NOX4: variants seen among roughly 807,000 people sequenced by gnomAD.
NOX4 encodes kidney oxidase-1.
A neutral mutation model predicts 87.6 loss-of-function variants in NOX4; 69 were observed. That is an observed-to-expected ratio of 0.79 (90% CI 0.65 to 0.96). The LOEUF (loss-of-function observed/expected upper bound fraction) is 0.96. Ranked by LOEUF, NOX4 falls within the 40% of genes least tolerant of loss-of-function variation. NOX4 has a pLI of 0.00. For synonymous variants in NOX4, 275 were observed against 238.2 expected, an observed-to-expected ratio of 1.15 and a Z score of -1.42; for missense variants, 680 against 681.5, an observed-to-expected ratio of 1.00 and a Z score of 0.02.
intron 12 of NOX4, among the ~76,000 whole-genome samples, chr11:89,372,768 C>T (rs1275577533): frequency 6.6e-6 from 1 of 151,894 alleles, no homozygotes; most frequent in African/African-American, 2.4e-5. Context: ...GCATTCTTTC[C>T]TGTAACAATA....
chr11:89,498,625 A>G (rs1053125476), upstream of NOX4: 7 of 152,176 alleles, frequency 4.6e-5, no homozygotes, highest in East Asian at 1.4e-3. Context: ...ATCCCATGGG[A>G]AAAAAATAAC....
chr11:89,388,756 G>C (rs1477386492), intron 11 of NOX4, among the ~76,000 whole-genome samples: 2 of 152,136 alleles, frequency 1.3e-5, no homozygotes, highest in African/African-American at 4.8e-5. Flanking sequence ...CCAAAGCTTA[G>C]TCAGTTACTA....
At chr11:89,425,962 T>C (rs1282057629) in intron 7 of NOX4, among the ~76,000 whole-genome samples, 2 of 152,150 alleles carry the variant, frequency 1.3e-5, no homozygotes, top group Non-Finnish European at 2.9e-5. Context: ...TTCCTTTTTT[T>C]GCTTTCTTTA....
chr11:89,484,908 C>T (rs1441951848), intron 2 of NOX4, among the ~76,000 whole-genome samples: 1 of 152,090 alleles, frequency 6.6e-6, no homozygotes, highest in African/African-American at 2.4e-5. Flanking sequence ...ATTTTACAGT[C>T]TGTATAATTA....
At chr11:89,366,208 C>T (rs1285023636) in intron 12 of NOX4, among the ~76,000 whole-genome samples, 1 of 151,982 alleles carries the variant, frequency 6.6e-6, no homozygotes. Context: ...TTATTTTCTT[C>T]CATGTTACAT....
At chr11:89,473,445 T>C (rs1591342073) in intron 2 of NOX4, among the ~76,000 whole-genome samples, 1 of 149,680 alleles carries the variant, frequency 6.7e-6, no homozygotes, top group African/African-American at 2.5e-5. Flanking sequence ...CAAAAAGATA[T>C]ACTGGTGGCC....
intron 11 of NOX4, among the ~76,000 whole-genome samples, chr11:89,393,190 TC>T (rs1264104710): frequency 6.6e-6 from 1 of 152,040 alleles, no homozygotes; most frequent in East Asian, 1.9e-4. Flanking sequence ...TTCTAGTGGG[TC>T]AGGGCTAAAG....
chr11:89,522,540 A>G, the NOX4 span, among the ~76,000 whole-genome samples: 2 of 152,284 alleles, frequency 1.3e-5, no homozygotes, highest in African/African-American at 4.8e-5. Context: ...ATTGAATACT[A>G]CACATAGTAA....
intron 4 of NOX4, among the ~76,000 whole-genome samples, chr11:89,448,103 C>A (rs1220499137): frequency 6.6e-6 from 1 of 152,124 alleles, no homozygotes; most frequent in Non-Finnish European, 1.5e-5. Flanking sequence ...GAATAATTAA[C>A]CCTTGCAACT....
chr11:89,431,119 T>C (rs2135307632), intron 7 of NOX4, among the ~76,000 whole-genome samples: 1 of 152,278 alleles, frequency 6.6e-6, no homozygotes, highest in East Asian at 1.9e-4. Context: ...ATTCCCTATT[T>C]AATAAATGGT....
the NOX4 span, among the ~76,000 whole-genome samples, chr11:89,550,744 C>T: frequency 6.6e-6 from 1 of 152,064 alleles, no homozygotes; most frequent in Non-Finnish European, 1.5e-5. Flanking sequence ...CTGTGGGTTG[C>T]CTGTTCACTC....
chr11:89,472,552 C>T (rs1463264487), intron 2 of NOX4, among the ~76,000 whole-genome samples: 1 of 152,036 alleles, frequency 6.6e-6, no homozygotes, highest in Non-Finnish European at 1.5e-5. Flanking sequence ...TTTATCTACG[C>T]TTTCTAAAAA....
At chr11:89,571,876 G>A in the NOX4 span, among the ~76,000 whole-genome samples, 15 of 152,194 alleles carry the variant, frequency 9.9e-5, no homozygotes, top group African/African-American at 3.4e-4. Context: ...GGAACTCAAA[G>A]TCATCCCTCT....
chr11:89,509,901 T>C, the NOX4 span, among the ~76,000 whole-genome samples: 25 of 152,076 alleles, frequency 1.6e-4, no homozygotes, highest in African/African-American at 4.1e-4. Flanking sequence ...CTCTACCTCC[T>C]CTATGCCAGG....
In NOX4 at chr11:89,327,327, G is replaced by A. The variant is rs114001739; in HGVS notation, c.1617-451C>T. 3.8e-3 allele frequency among the ~76,000 whole-genome samples: 583 copies of A among 152,016 alleles called. 4 individuals are homozygous for A. Among genetic ancestry groups the A allele is most frequent in the African/African-American group, 0.013 (556 of 41,488 alleles). On this transcript the variant is annotated intron_variant, in intron 17 of 17. Coordinates refer to ENST00000263317, the MANE Select transcript of NOX4 (RefSeq NM_016931.5). ...ACATAGTTATCTAAAATTCCTACAC[G>A]GATTTGCAAAAGCAGCGATGAATAA...
At chr11:89,588,724 C>T in the NOX4 span, among the ~76,000 whole-genome samples, 2 of 152,134 alleles carry the variant, frequency 1.3e-5, no homozygotes, top group Non-Finnish European at 1.5e-5. Context: ...TAGGAGGTTA[C>T]ATGGGGGAGC....
In NOX4 at chr11:89,418,496, G is replaced by C. The variant is rs558105302; in HGVS notation, c.629+3406C>G. ...GGGTTGTTAGGAGGATTTAATGAGA[G>C]CAAATGTTAGTAAAAGAGAAGCATT... On this transcript the variant is annotated intron_variant, in intron 8 of 17. Coordinates refer to ENST00000263317, the MANE Select transcript of NOX4 (RefSeq NM_016931.5). 2.2e-3 allele frequency among the ~76,000 whole-genome samples: 329 copies of C among 150,020 alleles called. 1 individual carries two copies. The highest frequency in any genetic ancestry group is 7.7e-3 in the African/African-American group (317 of 41,148).
intron 1 of NOX4, among the ~76,000 whole-genome samples, chr11:89,497,764 G>A (rs2135508976): frequency 6.6e-6 from 1 of 152,172 alleles, no homozygotes; most frequent in Middle Eastern, 3.4e-3. Flanking sequence ...CCACACACTG[G>A]GCTTGGAACA....
chr11:89,558,888 C>T, the NOX4 span, among the ~76,000 whole-genome samples: 2 of 152,070 alleles, frequency 1.3e-5, no homozygotes, highest in African/African-American at 4.8e-5. Context: ...TTTACCATCA[C>T]AAATCATAAG....
Sources: gnomAD v4.1 joint callset for allele counts (sites outside exome capture counted in the v4.1 genomes callset) on GRCh38, gnomAD v4.1.1 for gene constraint, MANE v1.5 for transcripts, NCBI Gene and HGNC (gene_info 2026-07-23, HGNC 2026-07-21) for gene names.